Variants in SLC25A30 observed in about 807,000 individuals in gnomAD.
SLC25A30 encodes kidney mitochondrial carrier protein 1.
A neutral mutation model predicts 42.7 loss-of-function variants in SLC25A30; 29 were observed. That is an observed-to-expected ratio of 0.68 (90% CI 0.51 to 0.93). The LOEUF (loss-of-function observed/expected upper bound fraction) is 0.93. Ranked by LOEUF, SLC25A30 falls within the 40% of genes least tolerant of loss-of-function variation. The pLI is 0.00. For missense variants in SLC25A30, 300 were observed against 359.7 expected, an observed-to-expected ratio of 0.83 and a Z score of 1.34; for synonymous variants, 124 against 131.0, an observed-to-expected ratio of 0.95 and a Z score of 0.37.
the SLC25A30 span, among the ~76,000 whole-genome samples, chr13:45,429,690 C>T: frequency 5.9e-5 from 9 of 151,712 alleles, no homozygotes; most frequent in Admixed American, 5.9e-4. Context: ...TTTTAATTAG[C>T]TGGGCATGGT....
chr13:45,424,658 T>TATATATAAATATATATAAAA, the SLC25A30 span, among the ~76,000 whole-genome samples: 6 of 73,010 alleles, frequency 8.2e-5, 2 homozygotes, highest in African/African-American at 3.0e-4. Context: ...TATATATAAA[T>TATATATAAATATATATAAAA]ATATAGAAAT....
At chr13:45,429,056 C>CTTTTT in the SLC25A30 span, among the ~76,000 whole-genome samples, 12 of 93,852 alleles carry the variant, frequency 1.3e-4, no homozygotes, top group Admixed American at 2.6e-4. Context: ...TGTGCAAGCT[C>CTTTTT]TTTTTTTTTT....
the SLC25A30 span, among the ~76,000 whole-genome samples, chr13:45,433,757 G>A: frequency 1.4e-4 from 21 of 152,128 alleles, no homozygotes; most frequent in Non-Finnish European, 2.4e-4. Flanking sequence ...TTTCAAACTC[G>A]TTAAACTGTA....
rs1166495306 is a variant in SLC25A30 at position 45,394,101 on chromosome 13, GA to G, written c.*1872del. 2.0e-6 allele frequency: 2 copies of G among 985,276 alleles called. No individual in the cohort carries two copies. Among genetic ancestry groups the G allele is most frequent in the Non-Finnish European group, 2.4e-6 (2 of 829,926 alleles). 61.0% of individuals were successfully genotyped at this position (985,276 alleles called of 1,614,324 possible). A position where few individuals can be genotyped will look rare whatever the true frequency, so the allele number is the denominator to read the frequency against. ...AATCAATGGAATGTTTTGGAAAGAA[GA>G]AAAAATCCTAAGGTGTAGTTTAGAA... On this transcript the variant is annotated 3_prime_UTR_variant, in exon 10 of 10. Transcript: ENST00000519676.
chr13:45,404,461 C>T lies in SLC25A30; in HGVS notation c.308-49G>A, dbSNP rs755598475. The T allele has an allele frequency of 3.5e-5, 47 of 1,329,448 alleles. No homozygotes were observed. The South Asian group carries it at 4.8e-4, about 14-fold the overall frequency. 82.4% of individuals were successfully genotyped at this position (1,329,448 alleles called of 1,614,324 possible). On this transcript the variant is annotated intron_variant, in intron 4 of 9. Coordinates refer to ENST00000519676, the MANE Select transcript of SLC25A30 (RefSeq NM_001010875.4). ...GACTCTACATATTTAGAGTTCTTCC[C>T]GTGAGAAACTCAACTATAGGTCTAA...
At chr13:45,399,676 A>G (rs1293946068) in intron 7 of SLC25A30, among the ~76,000 whole-genome samples, 1 of 152,184 alleles carries the variant, frequency 6.6e-6, no homozygotes, top group South Asian at 2.1e-4. Context: ...ATCATAAAAC[A>G]TAAAGGAAAT....
chr13:45,404,108 A>C (rs893417398), intron 5 of SLC25A30, among the ~76,000 whole-genome samples: 2 of 152,162 alleles, frequency 1.3e-5, no homozygotes, highest in African/African-American at 2.4e-5. Flanking sequence ...CTCCTCAATC[A>C]CCGAAATCTT....
At chr13:45,425,268 G>C in the SLC25A30 span, among the ~76,000 whole-genome samples, 1 of 97,516 alleles carries the variant, frequency 1.0e-5, no homozygotes, top group Non-Finnish European at 1.8e-5. Context: ...GTATATATAC[G>C]TATACATATA....
the SLC25A30 span, among the ~76,000 whole-genome samples, chr13:45,426,732 C>A: frequency 6.6e-6 from 1 of 152,100 alleles, no homozygotes. Flanking sequence ...TCTCTTAATA[C>A]AATCAGTACA....
chr13:45,417,240 A>G (rs1593634109), intron 1 of SLC25A30, among the ~76,000 whole-genome samples: 1 of 152,040 alleles, frequency 6.6e-6, no homozygotes, highest in Non-Finnish European at 1.5e-5. Context: ...CGAACTCCTG[A>G]CCTCAGGTGA....
At chr13:45,418,107 TC>T in intron 1 of SLC25A30, 192 bp downstream of exon 1, 1 of 153,498 alleles carries the variant, frequency 6.5e-6, no homozygotes, top group Non-Finnish European at 1.4e-5. Context: ...CAGAGCCCTG[TC>T]CCCAGTCCCC....
chr13:45,411,304 C>A lies in SLC25A30; in HGVS notation c.64+58G>T. 3 of 1,219,530 alleles carry A rather than the reference C, an allele frequency of 2.5e-6. No homozygotes were observed. The South Asian group carries it at 3.6e-5, about 15-fold the overall frequency. The allele number at this position is 1,219,530 out of a possible 1,614,324, so 75.5% of individuals were successfully genotyped here. On this transcript the variant is annotated intron_variant, in intron 2 of 9. Transcript: ENST00000519676. Reference sequence around the variant, plus strand: ...TCACATTCTACACTTGAACTACATTCACATCAAACACCATCACATACAGCA... The same window carrying A: ...TCACATTCTACACTTGAACTACATTAACATCAAACACCATCACATACAGCA...
rs1270297431 is a variant in SLC25A30, at chr13:45,397,322, C to T, written c.770G>A (p.Gly257Glu). ...AAAGCCTTTATAGAGAGCAAAAAAC[C>T]CTTCATTCTTCCATGTCTGTTAAAA... ...DCLLQTWKNE[G>E]FFALYKGFWP... The change falls in exon 9 of 10, where the codon GGG (glycine) becomes GAG (glutamate). Residue 257 changes from glycine to glutamate, a missense_variant. By Grantham distance (98) the Gly-to-Glu change is moderately conservative (BLOSUM62 -2). Coordinates refer to ENST00000519676, the MANE Select transcript of SLC25A30 (RefSeq NM_001010875.4). 1 of 1,610,870 alleles carries T rather than the reference C, an allele frequency of 6.2e-7. No individual in the cohort carries two copies. Among genetic ancestry groups the T allele is most frequent in the South Asian group, 1.1e-5 (1 of 90,972 alleles).
At chr13:45,424,123 A>G in the SLC25A30 span, among the ~76,000 whole-genome samples, 1 of 100,742 alleles carries the variant, frequency 9.9e-6, no homozygotes, top group Admixed American at 1.5e-4. Context: ...ATAAATATAT[A>G]TAAATATATA....
chr13:45,428,756 C>T, the SLC25A30 span, among the ~76,000 whole-genome samples: 1 of 151,656 alleles, frequency 6.6e-6, no homozygotes, highest in Non-Finnish European at 1.5e-5. Context: ...CTCCTGACCT[C>T]ATGATCTGCC....
At chr13:45,424,456 A>C in the SLC25A30 span, among the ~76,000 whole-genome samples, 1 of 76,738 alleles carries the variant, frequency 1.3e-5, no homozygotes, top group Non-Finnish European at 2.3e-5. Context: ...AAAATATATA[A>C]ACATATAAAA....
the SLC25A30 span, among the ~76,000 whole-genome samples, chr13:45,424,623 A>G: frequency 1.2e-4 from 9 of 73,610 alleles, 1 homozygote; most frequent in East Asian, 3.5e-4. Context: ...ATATAAATAT[A>G]TATAAATATG....
At chr13:45,423,940 TATA>T in the SLC25A30 span, among the ~76,000 whole-genome samples, 1 of 83,614 alleles carries the variant, frequency 1.2e-5, no homozygotes, top group Non-Finnish European at 2.1e-5. Flanking sequence ...TATATAAATA[TATA>T]AAAAAATATA....
the SLC25A30 span, among the ~76,000 whole-genome samples, chr13:45,431,832 C>T: frequency 6.6e-6 from 1 of 152,148 alleles, no homozygotes; most frequent in Non-Finnish European, 1.5e-5. Flanking sequence ...GTCCCCGAAG[C>T]CTGTTCCTTT....
Sources: gnomAD v4.1 joint callset for allele counts (sites outside exome capture counted in the v4.1 genomes callset) on GRCh38, gnomAD v4.1.1 for gene constraint, MANE v1.5 for transcripts, NCBI Gene and HGNC (gene_info 2026-07-23, HGNC 2026-07-21) for gene names.